CASR: variants seen among roughly 807,000 people sequenced by gnomAD.
CASR encodes calcium sensing receptor, also known as extracellular calcium-sensing receptor.
In CASR, 23 loss-of-function variants were observed where a neutral mutation model predicts 69.1. The ratio of observed to expected loss-of-function variants is 0.33; its 90% CI spans 0.24 to 0.47. The LOEUF (loss-of-function observed/expected upper bound fraction) is 0.47, where lower values mean the gene tolerates loss of function less well. Among genes scored for constraint, CASR ranks in the 20% least tolerant of loss-of-function variants. The pLI is 1.00. For synonymous variants in CASR, 541 were observed against 544.7 expected (o/e 0.99, Z 0.10); for missense variants, 924 against 1,356.1 (o/e 0.68, Z 5.00).
At chr3:122,245,672 C>T (rs573813628) in intron 1 of CASR, among the ~76,000 whole-genome samples, 2 of 152,036 alleles carry the variant, frequency 1.3e-5, no homozygotes, top group Admixed American at 1.3e-4. Context: ...GGATGTAATA[C>T]AGGAACCCAC....
chr3:122,245,881 A>G (rs2074422982), intron 1 of CASR, among the ~76,000 whole-genome samples: 1 of 152,332 alleles, frequency 6.6e-6, no homozygotes, highest in South Asian at 2.1e-4. Flanking sequence ...CTGTGCTGTA[A>G]TTGAAAGTAA....
chr3:122,219,452 G>C (rs1421539827), intron 1 of CASR, among the ~76,000 whole-genome samples: 1 of 152,192 alleles, frequency 6.6e-6, no homozygotes, highest in Non-Finnish European at 1.5e-5. Flanking sequence ...CCCAGATCAG[G>C]GTTCAGGGAC....
chr3:122,242,871 A>T (rs926307406), intron 1 of CASR, among the ~76,000 whole-genome samples: 1 of 152,160 alleles, frequency 6.6e-6, no homozygotes, highest in Non-Finnish European at 1.5e-5. Flanking sequence ...GCAAATCCAC[A>T]CACCTACAGT....
In CASR at chr3:122,269,445, T is replaced by C. The variant is rs548789452; in HGVS notation, c.1378-6367T>C. Among the ~76,000 whole-genome samples, 7 of 152,376 alleles carry C rather than the reference T, an allele frequency of 4.6e-5. No individual in the cohort carries two copies. In the South Asian group the frequency reaches 1.5e-3, roughly 32 times the overall value. ...AGGAATGGAGGTTGGATGTCATCAG[T>C]GCTTTTTCTGTATCTATTCAGAAAA... On this transcript the variant is annotated intron_variant, in intron 4 of 6. Coordinates refer to ENST00000639785, the MANE Select transcript of CASR (RefSeq NM_000388.4).
intron 6 of CASR, among the ~76,000 whole-genome samples, chr3:122,282,965 C>CA (rs1349751945): frequency 6.6e-6 from 1 of 152,208 alleles, no homozygotes; most frequent in African/African-American, 2.4e-5. Flanking sequence ...ATGCTCCCTT[C>CA]ACTGCCCAAA....
At chr3:122,276,899 G>T (rs1559965577) in intron 5 of CASR, among the ~76,000 whole-genome samples, 1 of 152,136 alleles carries the variant, frequency 6.6e-6, no homozygotes, top group Non-Finnish European at 1.5e-5. Context: ...GAATATAGCA[G>T]GCTGCTAAGA....
At chr3:122,244,785 A>G (rs1313187956) in intron 1 of CASR, among the ~76,000 whole-genome samples, 2 of 152,170 alleles carry the variant, frequency 1.3e-5, no homozygotes, top group East Asian at 3.8e-4. Flanking sequence ...GATAAGGGAG[A>G]TAAAGATAAG....
chr3:122,258,149 T>C (rs2074576846), intron 3 of CASR, among the ~76,000 whole-genome samples: 1 of 152,218 alleles, frequency 6.6e-6, no homozygotes, highest in African/African-American at 2.4e-5. Context: ...TTAATATTTA[T>C]AAATCTATGA....
Position 122,261,824 on chromosome 3 carries a change from G to T in CASR, c.789G>T (p.Thr263=). 6.2e-7 allele frequency: 1 copy of T among 1,614,182 alleles called. No individual in the cohort carries two copies. Among genetic ancestry groups the T allele is most frequent in the Non-Finnish European group, 8.5e-7 (1 of 1,180,026 alleles). ...QHVVEVIQNS[T]AKVIVVFSSG... Reference sequence around the variant, plus strand: ...TGGTAGAGGTGATTCAAAATTCCACGGCCAAAGTCATCGTGGTTTTCTCCA... The same window carrying T: ...TGGTAGAGGTGATTCAAAATTCCACTGCCAAAGTCATCGTGGTTTTCTCCA... Residue 263 remains threonine, a synonymous_variant, in exon 4 of 7, where the codon ACG becomes ACT. Coordinates refer to ENST00000639785, the MANE Select transcript of CASR (RefSeq NM_000388.4).
intron 1 of CASR, among the ~76,000 whole-genome samples, chr3:122,231,100 C>A (rs918241418): frequency 2.0e-5 from 3 of 152,210 alleles, no homozygotes; most frequent in Non-Finnish European, 4.4e-5. Context: ...CAGAAAGTGT[C>A]ATGATCATGA....
chr3:122,208,026 A>G (rs2074025636), intron 1 of CASR, among the ~76,000 whole-genome samples: 1 of 152,190 alleles, frequency 6.6e-6, no homozygotes, highest in South Asian at 2.1e-4. Context: ...TTATAGCAAA[A>G]GTAGTACTAA....
intron 1 of CASR, among the ~76,000 whole-genome samples, chr3:122,209,707 C>A (rs996558516): frequency 6.6e-6 from 1 of 151,972 alleles, no homozygotes; most frequent in Non-Finnish European, 1.5e-5. Context: ...CAGAGCCAAA[C>A]CATATCAAGG....
chr3:122,270,047 G>A (rs980025206), intron 4 of CASR, among the ~76,000 whole-genome samples: 1 of 152,050 alleles, frequency 6.6e-6, no homozygotes. Context: ...TCACCATGTC[G>A]ACCAGGCTCG....
chr3:122,219,560 G>C (rs1283461080), intron 1 of CASR, among the ~76,000 whole-genome samples: 1 of 152,196 alleles, frequency 6.6e-6, no homozygotes, highest in Non-Finnish European at 1.5e-5. Context: ...ACAGTGAAGG[G>C]AGGAATCTGT....
At chr3:122,241,925 AAATCATAT>A (rs2074382797) in intron 1 of CASR, among the ~76,000 whole-genome samples, 1 of 152,182 alleles carries the variant, frequency 6.6e-6, no homozygotes, top group Non-Finnish European at 1.5e-5. Flanking sequence ...CGAAGGACAA[AAATCATAT>A]AATCGTTTTC....
At chr3:122,217,580 G>A (rs1352369171) in intron 1 of CASR, among the ~76,000 whole-genome samples, 2 of 152,174 alleles carry the variant, frequency 1.3e-5, no homozygotes, top group African/African-American at 4.8e-5. Context: ...CCAAGAGAAG[G>A]AACATGTGCA....
intron 1 of CASR, among the ~76,000 whole-genome samples, chr3:122,230,477 C>A (rs1387146995): frequency 1.3e-5 from 2 of 152,180 alleles, no homozygotes; most frequent in African/African-American, 4.8e-5. Flanking sequence ...TGCTGCTGAC[C>A]GTGGAGAAAG....
chr3:122,203,198 G>C (rs1415171697), intron 1 of CASR, among the ~76,000 whole-genome samples: 2 of 152,200 alleles, frequency 1.3e-5, no homozygotes, highest in Non-Finnish European at 2.9e-5. Context: ...TACACCTATT[G>C]AGATTTTTTA....
intron 1 of CASR, among the ~76,000 whole-genome samples, chr3:122,199,404 CCT>C (rs2073920654): frequency 6.6e-6 from 1 of 152,128 alleles, no homozygotes. Context: ...AAATTATCTT[CCT>C]TTTTTCTATA....
Sources: allele counts gnomAD v4.1 joint callset (sites outside exome capture counted in the v4.1 genomes callset), GRCh38; gene constraint gnomAD v4.1.1; transcripts MANE v1.5; gene names NCBI Gene and HGNC (gene_info 2026-07-23, HGNC 2026-07-21).